STAG1: variants seen among roughly 807,000 people sequenced by gnomAD.
STAG1 encodes STAG1 cohesin complex component.
In STAG1, 26 loss-of-function variants were observed where a neutral mutation model predicts 170.9. The observed-to-expected ratio is 0.15, with a 90% confidence interval of 0.11 to 0.21. The LOEUF (loss-of-function observed/expected upper bound fraction) is 0.21, where lower values mean the gene tolerates loss of function less well. Among genes scored for constraint, STAG1 ranks in the 10% least tolerant of loss-of-function variants. The probability of loss-of-function intolerance (pLI) is 1.00; values close to 1 mark genes in which losing one functional copy is unlikely to be tolerated. For synonymous variants in STAG1, 514 were observed against 497.7 expected, an observed-to-expected ratio of 1.03 and a Z score of -0.44; for missense variants, 964 against 1,509.5, an observed-to-expected ratio of 0.64 and a Z score of 5.99.
intron 32 of STAG1, among the ~76,000 whole-genome samples, 168 bp downstream of exon 32, chr3:136,340,323 T>A (rs946923436): frequency 6.6e-6 from 1 of 152,140 alleles, no homozygotes; most frequent in Admixed American, 6.6e-5. Context: ...GGTTTCTCCA[T>A]ATTGGTCAGG....
chr3:136,500,393 G>A (rs1933400827), intron 8 of STAG1, 97 bp from the exon 9 acceptor site: 1 of 837,454 alleles, frequency 1.2e-6, no homozygotes, highest in East Asian at 2.8e-5. Flanking sequence ...TTCATTCTGG[G>A]TAGTTTTCAA....
At chr3:136,619,907 A>T (rs1939770757) in intron 3 of STAG1, among the ~76,000 whole-genome samples, 1 of 151,818 alleles carries the variant, frequency 6.6e-6, no homozygotes, top group Admixed American at 6.6e-5. Context: ...CTTCACACAA[A>T]AATAAATCAG....
At chr3:136,720,820 T>C (rs1283028876) in intron 1 of STAG1, among the ~76,000 whole-genome samples, 1 of 151,644 alleles carries the variant, frequency 6.6e-6, no homozygotes, top group Non-Finnish European at 1.5e-5. Context: ...AGAAAAGAAA[T>C]CTGTGGATGT....
chr3:136,600,904 TGTTTG>T (rs758876500), intron 4 of STAG1, among the ~76,000 whole-genome samples: 115 of 85,766 alleles, frequency 1.3e-3, no homozygotes, highest in Non-Finnish European at 1.7e-3. Flanking sequence ...TGTTTTGTTT[TGTTTG>T]AGAAGAAGTC....
At chr3:136,714,938 AATAT>A (rs71714671) in intron 1 of STAG1, among the ~76,000 whole-genome samples, 22,245 of 95,218 alleles carry the variant, frequency 0.23, 2,380 homozygotes, top group Non-Finnish European at 0.26. Context: ...ATATATATTA[AATAT>A]ATATATATAT....
At chr3:136,553,591 T>C (rs1466557722) in intron 5 of STAG1, among the ~76,000 whole-genome samples, 1 of 151,926 alleles carries the variant, frequency 6.6e-6, no homozygotes, top group Non-Finnish European at 1.5e-5. Context: ...CTGGCCAACA[T>C]GGTGAAACCT....
At chr3:136,474,390 G>A (rs2089695116) in intron 10 of STAG1, among the ~76,000 whole-genome samples, 1 of 152,136 alleles carries the variant, frequency 6.6e-6, no homozygotes, top group Non-Finnish European at 1.5e-5. Flanking sequence ...CTACATGCAA[G>A]ATGTTAAGTA....
chr3:136,443,677 T>C (rs1354079818), intron 14 of STAG1, among the ~76,000 whole-genome samples: 3 of 152,202 alleles, frequency 2.0e-5, no homozygotes, highest in Non-Finnish European at 4.4e-5. Context: ...GCATAGCTAG[T>C]TAGAAAATTT....
chr3:136,380,834 A>G (rs1201367356), intron 22 of STAG1, among the ~76,000 whole-genome samples: 1 of 151,778 alleles, frequency 6.6e-6, no homozygotes, highest in African/African-American at 2.4e-5. Context: ...AGCCTGGGCA[A>G]CATGATGAAA....
chr3:136,587,455 G>GC (rs986385662), intron 4 of STAG1, among the ~76,000 whole-genome samples: 8 of 145,328 alleles, frequency 5.5e-5, no homozygotes, highest in African/African-American at 2.0e-4. Flanking sequence ...CAGGAGAATC[G>GC]CTTGAACCTG....
At chr3:136,678,305 A>C (rs1440993866) in intron 1 of STAG1, among the ~76,000 whole-genome samples, 1 of 151,824 alleles carries the variant, frequency 6.6e-6, no homozygotes, top group African/African-American at 2.4e-5. Flanking sequence ...AAAATAAATC[A>C]ATATAGTATT....
At chr3:136,556,532 T>C (rs556726929) in intron 5 of STAG1, among the ~76,000 whole-genome samples, 4 of 152,254 alleles carry the variant, frequency 2.6e-5, no homozygotes, top group Non-Finnish European at 5.9e-5. Context: ...TAATTCCATT[T>C]AAAACTCCGA....
chr3:136,426,626 G>A (rs190672100), intron 16 of STAG1, among the ~76,000 whole-genome samples: 1 of 152,220 alleles, frequency 6.6e-6, no homozygotes, highest in African/African-American at 2.4e-5. Flanking sequence ...ATTCGCACAT[G>A]ACAGCAATGT....
chr3:136,552,537 C>G (rs1936448589), intron 5 of STAG1, among the ~76,000 whole-genome samples: 1 of 152,050 alleles, frequency 6.6e-6, no homozygotes, highest in African/African-American at 2.4e-5. Flanking sequence ...TATATAGAAG[C>G]AATGCTGAAA....
chr3:136,730,243 T>G (rs1426228934), intron 1 of STAG1, among the ~76,000 whole-genome samples: 15 of 152,154 alleles, frequency 9.9e-5, no homozygotes, highest in Admixed American at 9.2e-4. Context: ...ACAAAATAAG[T>G]ATTGCTAACA....
chr3:136,446,897 T>A (rs1323027702), intron 14 of STAG1, among the ~76,000 whole-genome samples: 1 of 151,874 alleles, frequency 6.6e-6, no homozygotes, highest in Non-Finnish European at 1.5e-5. Flanking sequence ...GCCTCCTGCG[T>A]TCAAGCAATT....
intron 5 of STAG1, among the ~76,000 whole-genome samples, chr3:136,567,195 A>C (rs1007456117): frequency 2.0e-5 from 3 of 152,244 alleles, no homozygotes; most frequent in Non-Finnish European, 4.4e-5. Context: ...AATTGCTTTC[A>C]AATTAAAACC....
intron 22 of STAG1, among the ~76,000 whole-genome samples, chr3:136,379,598 A>G: frequency 6.6e-6 from 1 of 152,042 alleles, no homozygotes; most frequent in East Asian, 1.9e-4. Context: ...AATCCCAGCT[A>G]CTCGGGAGGC....
intron 1 of STAG1, among the ~76,000 whole-genome samples, chr3:136,656,325 G>A (rs1559933541): frequency 6.6e-6 from 1 of 152,238 alleles, no homozygotes; most frequent in East Asian, 1.9e-4. Context: ...CAGTTTGCAA[G>A]ATGAAAAAGA....
Sources: gnomAD v4.1 joint callset for allele counts (sites outside exome capture counted in the v4.1 genomes callset) on GRCh38, gnomAD v4.1.1 for gene constraint, MANE v1.5 for transcripts, NCBI Gene and HGNC (gene_info 2026-07-23, HGNC 2026-07-21) for gene names.